The following ZNF33A variants were observed in gnomAD, a reference collection of about 807,000 sequenced individuals.
ZNF33A encodes the protein brain my041 protein.
ZNF33A carries 9 observed loss-of-function variants against 15.9 expected under a neutral mutation model. The ratio of observed to expected loss-of-function variants is 0.57; its 90% confidence interval spans 0.34 to 0.99. ZNF33A has a LOEUF of 0.99. Ranked by LOEUF, ZNF33A falls within the 50% of genes least tolerant of loss-of-function variation. ZNF33A has a pLI of 0.02. For missense variants in ZNF33A, 843 were observed against 941.6 expected (o/e 0.90, Z 1.37); for synonymous variants, 294 against 324.2 (o/e 0.91, Z 1.00).
In ZNF33A at chr10:38,013,648, G is replaced by A. The variant is rs576726082; in HGVS notation, c.9+1298G>A. On this transcript the variant is annotated intron_variant, in intron 2 of 4. Transcript: ENST00000432900. ...TAATTTTTGTATTTTTAGTAGAGAC[G>A]GGGTTTCACCATGTTGGCCAGGCTG... Among the ~76,000 whole-genome samples, 29 of 151,992 alleles carry A rather than the reference G, an allele frequency of 1.9e-4. 1 individual carries two copies. The East Asian group carries it at 4.5e-3, about 23-fold the overall frequency.
chr10:38,019,520 C>G (rs943485214), intron 4 of ZNF33A, among the ~76,000 whole-genome samples: 9 of 152,174 alleles, frequency 5.9e-5, no homozygotes, highest in Non-Finnish European at 1.0e-4. Context: ...ACAACACATT[C>G]CCTACAGAGA....
intron 2 of ZNF33A, among the ~76,000 whole-genome samples, chr10:38,013,213 C>T (rs922487676): frequency 9.2e-5 from 14 of 152,140 alleles, no homozygotes; most frequent in Middle Eastern, 3.4e-3. Flanking sequence ...CGGGTTCAAG[C>T]GATTCTCTTG....
At chr10:38,060,978 G>T (rs1410535142), downstream of ZNF33A, among the ~76,000 whole-genome samples, 1 of 152,110 alleles carries the variant, frequency 6.6e-6, no homozygotes, top group African/African-American at 2.4e-5. Context: ...GGTGGTCTCT[G>T]AGGCTCCCAC....
chr10:38,056,162 C>T lies in ZNF33A; in HGVS notation c.2038C>T (p.Leu680Phe). The T allele has an allele frequency of 6.2e-7, 1 of 1,614,078 alleles. No individual in the cohort carries two copies. The highest frequency in any genetic ancestry group is 8.5e-7 in the Non-Finnish European group (1 of 1,180,002). ...AAAATCTTTCTGTGTAAAATCAGGA[C>T]TTATTTTCCATGAGAGAAAGCACAC... ...CGKSFCVKSG[L>F]IFHERKHTGE... Residue 680 changes from leucine to phenylalanine, a missense_variant, in exon 5 of 5, where the codon CTT becomes TTT. Leu to Phe is a conservative substitution (Grantham distance 22). Coordinates refer to ENST00000432900, the MANE Select transcript of ZNF33A (RefSeq NM_006954.2).
chr10:38,058,901 T>A lies in ZNF33A; in HGVS notation c.*2341T>A, dbSNP rs1287909129. 1.3e-5 allele frequency: 2 copies of A among 152,228 alleles called. No homozygotes were observed. The highest frequency in any genetic ancestry group is 2.9e-5 in the Non-Finnish European group (2 of 68,046). The allele number at this position is 152,228 out of a possible 1,614,324, so 9.4% of individuals were successfully genotyped here. On this transcript the variant is annotated 3_prime_UTR_variant, in exon 5 of 5. Coordinates refer to ENST00000432900, the MANE Select transcript of ZNF33A (RefSeq NM_006954.2). Reference sequence around the variant, plus strand: ...CTCTTTCAGAAAATAAAAGCAGAGATAACACTTCCCAACTCATTTTGTGAG... The same window carrying A: ...CTCTTTCAGAAAATAAAAGCAGAGAAAACACTTCCCAACTCATTTTGTGAG...
chr10:38,016,448 A>G (rs893213572), intron 2 of ZNF33A, among the ~76,000 whole-genome samples: 2 of 152,232 alleles, frequency 1.3e-5, no homozygotes, highest in Non-Finnish European at 1.5e-5. Context: ...TCATGGCCCT[A>G]TGCTTATGAA....
chr10:38,016,455 T>C (rs551278146), intron 2 of ZNF33A, among the ~76,000 whole-genome samples: 16 of 152,346 alleles, frequency 1.1e-4, no homozygotes, highest in Non-Finnish European at 1.8e-4. Flanking sequence ...CCTATGCTTA[T>C]GAAGAACGTA....
At chr10:38,014,035 A>ATT (rs10658326) in intron 2 of ZNF33A, among the ~76,000 whole-genome samples, 29,742 of 79,450 alleles carry the variant, frequency 0.37, 10,340 homozygotes, top group South Asian at 0.54. Context: ...ATGATGTCTG[A>ATT]TTTTTTTTTT....
At position 38,017,336 on chromosome 10, in the gene ZNF33A, G is replaced by A; in HGVS notation, c.200G>A (p.Gly67Glu). 2 of 1,614,042 alleles carry A rather than the reference G, an allele frequency of 1.2e-6. No individual in the cohort carries two copies. Among genetic ancestry groups the A allele is most frequent in the Non-Finnish European group, 1.7e-6 (2 of 1,179,954 alleles). The stretch of plus-strand genomic sequence containing the variant: ...GAGGTGATCTTCAGGCTGCAACAAG[G>A]AGAAGAGCCATGGAAACAGGAGGAA... ...KPEVIFRLQQ[G>E]EEPWKQEEEF... The change falls in exon 4 of 5, where the codon GGA (glycine) becomes GAA (glutamate). Residue 67 changes from glycine to glutamate, a missense_variant. By Grantham distance (98) the Gly-to-Glu change is moderately conservative (BLOSUM62 -2). Coordinates refer to ENST00000432900, the MANE Select transcript of ZNF33A (RefSeq NM_006954.2).
rs1048862 is a variant in ZNF33A at position 38,059,511 on chromosome 10, A to T, written c.*2951A>T. ...AGCAATTACAGCAGGATTGCAGGAT[A>T]CAGTCCTCAGGTAGATGATAAAAAG... On this transcript the variant is annotated 3_prime_UTR_variant, in exon 5 of 5. Coordinates refer to ENST00000432900, the MANE Select transcript of ZNF33A (RefSeq NM_006954.2). The T allele has an allele frequency of 6.6e-6, 1 of 152,268 alleles. No homozygotes were observed. Among genetic ancestry groups the T allele is most frequent in the African/African-American group, 2.4e-5 (1 of 41,478 alleles). The allele number at this position is 152,268 out of a possible 1,614,324, so 9.4% of individuals were successfully genotyped here. A position where few individuals can be genotyped will look rare whatever the true frequency, so the allele number is the denominator to read the frequency against.
In ZNF33A at chr10:38,017,314, G is replaced by A; in HGVS notation, c.178G>A (p.Val60Met). ...AGGGTATTGTGTTCACAAACCAGAG[G>A]TGATCTTCAGGCTGCAACAAGGAGA... is the stretch of plus-strand genomic sequence containing the variant. ...SVGYCVHKPE[V>M]IFRLQQGEEP... Residue 60 changes from valine (V) to methionine (M), a missense_variant, in exon 4 of 5, where the codon GTG becomes ATG. By Grantham distance (21) the Val-to-Met change is conservative (BLOSUM62 1). Transcript: ENST00000432900. 6.2e-7 allele frequency: 1 copy of A among 1,614,044 alleles called. No individual in the cohort carries two copies. The highest frequency in any genetic ancestry group is 1.1e-5 in the South Asian group (1 of 91,076).
chr10:38,047,137 C>T (rs997796265), intron 4 of ZNF33A, among the ~76,000 whole-genome samples: 2 of 141,822 alleles, frequency 1.4e-5, no homozygotes, highest in South Asian at 2.2e-4. Context: ...CAAGATTGCA[C>T]CTCTGCACTG....
At chr10:38,046,380 T>C (rs1426323306) in intron 4 of ZNF33A, among the ~76,000 whole-genome samples, 2 of 152,084 alleles carry the variant, frequency 1.3e-5, no homozygotes, top group African/African-American at 4.8e-5. Flanking sequence ...GTGGAAAAAC[T>C]CGTAATTCAG....
intron 4 of ZNF33A, among the ~76,000 whole-genome samples, chr10:38,030,211 AAAAAC>A (rs2065153369): frequency 1.3e-5 from 2 of 152,238 alleles, no homozygotes; most frequent in Non-Finnish European, 2.9e-5. Context: ...ATTTAAAACT[AAAAAC>A]AAACTTAGCA....
chr10:38,026,397 C>T lies in ZNF33A; in HGVS notation c.250+9011C>T, dbSNP rs1438878324. On this transcript the variant is annotated intron_variant, in intron 4 of 4. Transcript: ENST00000432900. ...TCGCCCAGACTGGAGTGCAGTGGTG[C>T]GATCTCGGCTCACCACAACCTCCGC... 3.9e-5 allele frequency among the ~76,000 whole-genome samples: 6 copies of T among 152,242 alleles called. No individual in the cohort carries two copies. The East Asian group carries it at 5.8e-4, about 15-fold the overall frequency.
intron 4 of ZNF33A, among the ~76,000 whole-genome samples, chr10:38,051,710 G>A (rs2066214683): frequency 1.3e-5 from 2 of 151,818 alleles, no homozygotes; most frequent in Non-Finnish European, 2.9e-5. Flanking sequence ...CATTTTACAA[G>A]TAATAAAATA....
intron 4 of ZNF33A, 94 bp from the exon 5 acceptor site, chr10:38,054,281 A>G: frequency 1.5e-6 from 2 of 1,321,108 alleles, no homozygotes; most frequent in South Asian, 3.7e-5. Context: ...CCAAAAAACC[A>G]GTCAGCTGCA....
chr10:38,017,544 TC>T, intron 4 of ZNF33A, 158 bp downstream of exon 4: 1 of 523,700 alleles, frequency 1.9e-6, no homozygotes, highest in Non-Finnish European at 3.4e-6. Context: ...AAATCAAACT[TC>T]CAGATACTAC....
At chr10:38,034,951 C>T (rs2065375119) in intron 4 of ZNF33A, among the ~76,000 whole-genome samples, 1 of 151,900 alleles carries the variant, frequency 6.6e-6, no homozygotes, top group African/African-American at 2.4e-5. Flanking sequence ...CTACATGTAA[C>T]CATCTGTATC....
Sources: allele counts gnomAD v4.1 joint callset (sites outside exome capture counted in the v4.1 genomes callset), GRCh38; gene constraint gnomAD v4.1.1; transcripts MANE v1.5; gene names NCBI Gene and HGNC (gene_info 2026-07-23, HGNC 2026-07-21).